Variants in RYR2 observed in about 807,000 individuals in gnomAD.
RYR2 encodes cardiac muscle ryanodine receptor-calcium release channel.
RYR2 carries 227 observed loss-of-function variants against 601.1 expected under a neutral mutation model. The observed-to-expected ratio is 0.38, with a 90% CI of 0.34 to 0.42. RYR2 has a LOEUF of 0.42. Ranked by LOEUF, RYR2 falls within the 10% of genes least tolerant of loss-of-function variation. The pLI is 1.00. For missense variants in RYR2, 4,646 were observed against 6,156.5 expected (o/e 0.75, Z 8.21); for synonymous variants, 2,223 against 2,175.1 (o/e 1.02, Z -0.61).
chr1:237,832,032 G>GTA (rs1274253564), intron 104 of RYR2, among the ~76,000 whole-genome samples: 6 of 151,962 alleles, frequency 3.9e-5, no homozygotes, highest in African/African-American at 7.3e-5. Flanking sequence ...AAGCATAAAT[G>GTA]TATATATATA....
In RYR2 at chr1:237,420,967, A is replaced by C. The variant is rs548159529; in HGVS notation, c.849-2125A>C. Among the ~76,000 whole-genome samples the C allele has an allele frequency of 1.5e-3, 227 of 152,314 alleles. 2 individuals are homozygous for C. The highest frequency in any genetic ancestry group is 2.3e-3 in the Non-Finnish European group (158 of 68,020). On this transcript the variant is annotated intron_variant, in intron 11 of 104. Coordinates refer to ENST00000366574, the MANE Select transcript of RYR2 (RefSeq NM_001035.3). ...ATTAAACATAATTGTGACCGGGCAC[A>C]GGGTGGCTCACGCCTGTAATCCCAT...
chr1:237,107,780 G>A (rs973072772), intron 1 of RYR2, among the ~76,000 whole-genome samples: 7 of 152,108 alleles, frequency 4.6e-5, no homozygotes, highest in East Asian at 1.9e-4. Flanking sequence ...CCAGATTCAC[G>A]GTGTCCTGCA....
intron 24 of RYR2, among the ~76,000 whole-genome samples, chr1:237,524,064 C>T (rs527290897): frequency 1.3e-5 from 2 of 152,222 alleles, no homozygotes; most frequent in Admixed American, 6.5e-5. Flanking sequence ...TATGTATCTA[C>T]TCAAGAGAAA....
At chr1:237,385,426 T>G (rs903784159) in intron 8 of RYR2, among the ~76,000 whole-genome samples, 1 of 152,188 alleles carries the variant, frequency 6.6e-6, no homozygotes, top group African/African-American at 2.4e-5. Context: ...ATGTGATATG[T>G]TTATATACTG....
intron 25 of RYR2, among the ~76,000 whole-genome samples, chr1:237,542,132 T>C (rs1424972141): frequency 1.3e-5 from 2 of 151,980 alleles, no homozygotes; most frequent in Non-Finnish European, 2.9e-5. Context: ...TCACTCTTGT[T>C]GCCCAGGCTG....
At chr1:237,417,286 C>T (rs1354577648) in intron 11 of RYR2, among the ~76,000 whole-genome samples, 163 bp downstream of exon 11, 1 of 152,002 alleles carries the variant, frequency 6.6e-6, no homozygotes, top group Non-Finnish European at 1.5e-5. Context: ...TTTCCTTCCA[C>T]CTACCTTTAT....
At chr1:237,684,373 G>GCTAA (rs746703368) in intron 62 of RYR2, among the ~76,000 whole-genome samples, 2 of 152,042 alleles carry the variant, frequency 1.3e-5, no homozygotes, top group Non-Finnish European at 2.9e-5. Flanking sequence ...TACATATAGA[G>GCTAA]CTAACTCTAC....
chr1:237,748,574 T>C (rs954001445), intron 80 of RYR2, among the ~76,000 whole-genome samples: 1 of 152,206 alleles, frequency 6.6e-6, no homozygotes, highest in African/African-American at 2.4e-5. Flanking sequence ...CAGTCATTTC[T>C]AGGGCCATTC....
chr1:237,355,939 T>C, intron 3 of RYR2, 26 bp from the exon 4 acceptor site: 1 of 1,586,566 alleles, frequency 6.3e-7, no homozygotes, highest in Non-Finnish European at 8.6e-7. Flanking sequence ...TTGTTTGTTA[T>C]TTATTTTGGC....
chr1:237,267,108 A>G (rs961138436), intron 1 of RYR2, among the ~76,000 whole-genome samples: 5 of 152,220 alleles, frequency 3.3e-5, no homozygotes, highest in Admixed American at 1.3e-4. Context: ...ACTGATGGGC[A>G]TCTCCACACG....
intron 22 of RYR2, among the ~76,000 whole-genome samples, chr1:237,505,297 A>G (rs1454976634): frequency 6.6e-6 from 1 of 152,216 alleles, no homozygotes; most frequent in East Asian, 1.9e-4. Context: ...TGAATTCAAT[A>G]TCGACTTATA....
At chr1:237,219,717 A>C (rs116557946) in intron 1 of RYR2, among the ~76,000 whole-genome samples, 3,333 of 152,308 alleles carry the variant, frequency 0.022, 53 homozygotes, top group Middle Eastern at 0.048. Context: ...AGTGGAGATG[A>C]TAACACTTTC....
chr1:237,698,856 A>G lies in RYR2; in HGVS notation c.9068-109A>G, dbSNP rs996945464. 2.5e-5 allele frequency: 15 copies of G among 594,816 alleles called. No individual in the cohort carries two copies. In the African/African-American group the frequency reaches 2.7e-4, roughly 11 times the overall value. 36.8% of individuals were successfully genotyped at this position (594,816 alleles called of 1,614,324 possible). On this transcript the variant is annotated intron_variant, in intron 63 of 104. Transcript: ENST00000366574. Reference sequence around the variant, plus strand: ...CTTGATTATTAAAAAACCTTTTAAAATATTACTGTTGTGTCATTGACTAAT... The same window carrying G: ...CTTGATTATTAAAAAACCTTTTAAAGTATTACTGTTGTGTCATTGACTAAT...
At chr1:237,485,580 G>A (rs983677725) in intron 17 of RYR2, among the ~76,000 whole-genome samples, 3 of 152,174 alleles carry the variant, frequency 2.0e-5, no homozygotes, top group Non-Finnish European at 2.9e-5. Context: ...AGTCTTAGAC[G>A]GTGGGAGTGT....
Position 237,566,639 on chromosome 1 carries a change from T to C in RYR2, c.3287T>C (p.Val1096Ala), listed in dbSNP as rs765102305. 6.2e-7 allele frequency: 1 copy of C among 1,613,974 alleles called. No individual in the cohort carries two copies. Among genetic ancestry groups the C allele is most frequent in the Non-Finnish European group, 8.5e-7 (1 of 1,179,874 alleles). The change falls in exon 28 of 105, where the codon GTG becomes GCG. Residue 1096 changes from valine to alanine, a missense_variant. Val to Ala is a moderately conservative substitution (Grantham distance 64). This residue lies in a region of RYR2 where 1,807 missense variants were observed against 2,088.1 expected (regional missense o/e 0.87). Coordinates refer to ENST00000366574, the MANE Select transcript of RYR2 (RefSeq NM_001035.3). ...TTCCGTGCCGAGAAGACCTATGCAG[T>C]GAAGGCCGGACGGTGGTATTTTGAA... The part of the protein sequence containing the change: ...RIFRAEKTYA[V>A]KAGRWYFEFE...
chr1:237,058,344 T>C (rs1377042918), intron 1 of RYR2, among the ~76,000 whole-genome samples: 2 of 152,194 alleles, frequency 1.3e-5, no homozygotes, highest in Non-Finnish European at 1.5e-5. Context: ...TTTCAGAAAA[T>C]TAGCAATTTA....
chr1:237,306,955 C>T (rs1425345906), intron 2 of RYR2, among the ~76,000 whole-genome samples: 1 of 152,088 alleles, frequency 6.6e-6, no homozygotes, highest in Non-Finnish European at 1.5e-5. Flanking sequence ...TAGTAGAAAG[C>T]TGATTTTAAC....
rs1659473477 is a variant in RYR2, at chr1:237,798,039, T to C, written c.13959T>C (p.Val4653=). The stretch of plus-strand genomic sequence containing the variant: ...AATGCTTTTTCTCATACCCCAAGGT[T>C]ATGGATAAATATGGAGAGTTCTACG... ...NYWDKFVKRK[V]MDKYGEFYGR... is the part of the protein sequence containing the mutation. The change falls in exon 97 of 105, where the codon GTT becomes GTC. Residue 4653 remains valine (V), a splice_region_variant and synonymous_variant. Transcript: ENST00000366574. 6.2e-7 allele frequency: 1 copy of C among 1,609,266 alleles called. No individual in the cohort carries two copies. Among genetic ancestry groups the C allele is most frequent in the Admixed American group, 1.7e-5 (1 of 59,336 alleles).
intron 24 of RYR2, among the ~76,000 whole-genome samples, chr1:237,518,049 C>A (rs1666731790): frequency 6.6e-6 from 1 of 152,126 alleles, no homozygotes; most frequent in Admixed American, 6.6e-5. Flanking sequence ...CTTCCCTTCA[C>A]CCATGGCTTT....
Sources: gnomAD v4.1 joint callset for allele counts (sites outside exome capture counted in the v4.1 genomes callset) on GRCh38, gnomAD v4.1.1 for gene constraint, gnomAD v4.1.1 regional missense constraint, MANE v1.5 for transcripts, NCBI Gene and HGNC (gene_info 2026-07-23, HGNC 2026-07-21) for gene names.